PARP10: variants seen among roughly 807,000 people sequenced by gnomAD.
PARP10 encodes poly(ADP-ribose) polymerase family member 10.
In PARP10, 56 loss-of-function variants were observed where a neutral mutation model predicts 82.4. The observed-to-expected ratio is 0.68, with a 90% CI of 0.55 to 0.85. The LOEUF (loss-of-function observed/expected upper bound fraction) is 0.85, where lower values mean the gene tolerates loss of function less well. Ranked by LOEUF, PARP10 falls within the 40% of genes least tolerant of loss-of-function variation. PARP10 has a pLI of 0.00. For synonymous variants in PARP10, 576 were observed against 601.1 expected, an observed-to-expected ratio of 0.96 and a Z score of 0.61; for missense variants, 1,227 against 1,379.4, an observed-to-expected ratio of 0.89 and a Z score of 1.75.
chr8:143,985,603 C>T lies in PARP10; in HGVS notation c.482G>A (p.Gly161Glu), dbSNP rs1250900935. 1 of 1,613,966 alleles carries T rather than the reference C, an allele frequency of 6.2e-7. No homozygotes were observed. Among genetic ancestry groups the T allele is most frequent in the Non-Finnish European group, 8.5e-7 (1 of 1,180,012 alleles). The part of the protein sequence containing the change: ...EEQAQNLGLE[G>E]TLVSLARVPQ... ...AACCCGGGCCAGGGACACCAAGGTC[C>T]CCTCCAGGCCCAGATTCTGGGCCTG... Residue 161 changes from glycine (G) to glutamate (E), a missense_variant, in exon 4 of 11, where the codon GGG becomes GAG. By Grantham distance (98) the Gly-to-Glu change is moderately conservative. Coordinates refer to ENST00000313028, the MANE Select transcript of PARP10 (RefSeq NM_032789.5).
chr8:143,977,853 G>A (rs781949313), intron 10 of PARP10, 23 bp from the exon 11 acceptor site: 10 of 1,598,892 alleles, frequency 6.3e-6, no homozygotes, highest in Non-Finnish European at 8.5e-6. Context: ...ACGGGGCAAG[G>A]TCAGGGTGGT....
upstream of PARP10, among the ~76,000 whole-genome samples, chr8:143,993,956 C>G (rs937546810): frequency 6.6e-6 from 1 of 152,226 alleles, no homozygotes; most frequent in African/African-American, 2.4e-5. Flanking sequence ...AGGCCCGGTC[C>G]TTTGGAGCCC....
chr8:143,984,135 C>T, intron 6 of PARP10, 31 bp from the exon 7 acceptor site: 2 of 1,566,080 alleles, frequency 1.3e-6, no homozygotes, highest in Middle Eastern at 1.7e-4. Flanking sequence ...GACCACTAGC[C>T]TCTGGGCAAG....
chr8:143,985,680 TC>T, intron 3 of PARP10, 32 bp from the exon 4 acceptor site: 2 of 1,602,850 alleles, frequency 1.2e-6, no homozygotes, highest in Non-Finnish European at 1.7e-6. Context: ...GCTCAGGGAA[TC>T]CCCCCTAGCC....
At chr8:143,992,956 G>A (rs1016593855), upstream of PARP10, 1 of 859,148 alleles carries the variant, frequency 1.2e-6, no homozygotes. Flanking sequence ...ACAGCCTAGG[G>A]AAAAGGATGC....
At chr8:143,979,295 A>G (rs1209484889) in intron 9 of PARP10, among the ~76,000 whole-genome samples, 5 of 152,124 alleles carry the variant, frequency 3.3e-5, no homozygotes, top group South Asian at 2.1e-4. Flanking sequence ...TTACACACAC[A>G]CACAACAAGG....
At chr8:144,005,852 C>T (rs1465073036) in intron 1 of PARP10, among the ~76,000 whole-genome samples, 9 of 152,010 alleles carry the variant, frequency 5.9e-5, no homozygotes, top group African/African-American at 2.2e-4. Context: ...CAGACAGCCC[C>T]CTCCGCTCTT....
At chr8:143,989,475 C>CACGAAGGACAAAATGCCTGAG (rs1834052304), upstream of PARP10, 1 of 152,210 alleles carries the variant, frequency 6.6e-6, no homozygotes, top group East Asian at 1.9e-4. The surrounding 1 kb of genome is among the most constrained non-coding windows in gnomAD (Gnocchi z 4.3). Context: ...TTGTTTGTAA[C>CACGAAGGACAAAATGCCTGAG]ACGAAGGACA....
chr8:144,005,124 A>T (rs1834225994), intron 1 of PARP10, among the ~76,000 whole-genome samples: 1 of 151,360 alleles, frequency 6.6e-6, no homozygotes, highest in Non-Finnish European at 1.5e-5. Context: ...GGTTGCAGCG[A>T]GCTGAGATTG....
intron 1 of PARP10, among the ~76,000 whole-genome samples, chr8:144,000,919 T>G (rs1378402325): frequency 3.4e-5 from 5 of 145,396 alleles, no homozygotes; most frequent in East Asian, 4.0e-4. Flanking sequence ...TTTTTTTTTT[T>G]TTTTTTTTTT....
At position 143,977,203 on chromosome 8, in the gene PARP10, C is replaced by T; in HGVS notation, c.*281G>A. 2.0e-6 allele frequency: 1 copy of T among 491,856 alleles called. No homozygotes were observed. The highest frequency in any genetic ancestry group is 3.5e-5 in the East Asian group (1 of 28,570). The allele number at this position is 491,856 out of a possible 1,614,324, so 30.5% of individuals were successfully genotyped here. ...GGGTTCACGTTCACGTTTATTCAAA[C>T]AACAGAGCCGACTCGGGCGAGGTCT... On this transcript the variant is annotated 3_prime_UTR_variant, in exon 11 of 11. Transcript: ENST00000313028.
At chr8:143,996,670 C>T (rs1834167033) in intron 1 of PARP10, among the ~76,000 whole-genome samples, 1 of 152,216 alleles carries the variant, frequency 6.6e-6, no homozygotes, top group African/African-American at 2.4e-5. Context: ...GCTCACTGCC[C>T]TCACCAGGCC....
rs1180587341 is a variant in PARP10, at chr8:144,011,910, C to G, written c.-80+620G>C. 6.6e-6 allele frequency among the ~76,000 whole-genome samples: 1 copy of G among 152,174 alleles called. No individual in the cohort carries two copies. The highest frequency in any genetic ancestry group is 1.5e-5 in the Non-Finnish European group (1 of 68,038). ...GAGTGTCCAGGCCTTCAAGACACAG[C>G]AACCAGGAGAAGGCTGAGAGGCCAA... On this transcript the variant is annotated intron_variant, in intron 1 of 3. Coordinates refer to the PARP10 transcript ENST00000530478. The surrounding 1 kb of genome is among the most constrained non-coding windows in gnomAD (Gnocchi z 4.5).
rs1229373178 is a variant in PARP10 at position 143,984,535 on chromosome 8, GT to G, written c.1458+8del. ...GGCTGAAGGTGAGGAGTCCTGAGGGGTCACTCACCCGAAAGCCAGTCATATC... is the reference window on the plus strand; with the variant it reads ...GGCTGAAGGTGAGGAGTCCTGAGGGGCACTCACCCGAAAGCCAGTCATATC... On this transcript the variant is annotated splice_region_variant and intron_variant, in intron 5 of 10. Transcript: ENST00000313028. The G allele has an allele frequency of 2.5e-6, 4 of 1,604,128 alleles. No individual in the cohort carries two copies. In the Admixed American group the frequency reaches 6.7e-5, roughly 27 times the overall value.
In PARP10 at chr8:143,984,401, C is replaced by A. The variant is rs572160322; in HGVS notation, c.1489G>T (p.Ala497Ser). The A allele has an allele frequency of 6.2e-7, 1 of 1,611,350 alleles. No individual in the cohort carries two copies. The highest frequency in any genetic ancestry group is 1.7e-5 in the Admixed American group (1 of 59,974). Reference sequence around the variant, plus strand: ...AGCAGGCTCCGCAGAAACTCCTCAGCCGCCTGGCAGGAAGCCTGGGCTCCA... The same window carrying A: ...AGCAGGCTCCGCAGAAACTCCTCAGACGCCTGGCAGGAAGCCTGGGCTCCA... ...LCGAQASCQA[A>S]EEFLRSLLGS... Residue 497 changes from alanine to serine, a missense_variant, in exon 6 of 11, where the codon GCT becomes TCT. Transcript: ENST00000313028.
chr8:143,981,251 G>A (rs1424112013), intron 9 of PARP10, among the ~76,000 whole-genome samples: 3 of 152,142 alleles, frequency 2.0e-5, no homozygotes, highest in East Asian at 3.9e-4. Context: ...TGAAGCTGAC[G>A]GTGACAGTGG....
In PARP10 at chr8:143,977,997, C is replaced by G; in HGVS notation, c.2641G>C (p.Val881Leu). Residue 881 changes from valine (V) to leucine (L), a missense_variant, in exon 10 of 11, where the codon GTG becomes CTG. Transcript: ENST00000313028. ...GTGCCGTGGTACAGCACCTGCTCCA[C>G]CGGGCGCCGCTCGCATCGCTGCAGC... ...RLLQRCERRP[V>L]EQVLYHGTTA... 1 of 1,591,978 alleles carries G rather than the reference C, an allele frequency of 6.3e-7. No homozygotes were observed. The highest frequency in any genetic ancestry group is 8.5e-7 in the Non-Finnish European group (1 of 1,175,376).
upstream of PARP10, chr8:143,992,474 G>T (rs782544244): frequency 6.2e-7 from 1 of 1,613,998 alleles, no homozygotes; most frequent in Non-Finnish European, 8.5e-7. Flanking sequence ...GACCCGCTAC[G>T]ACTTCACCTC....
At position 143,984,351 on chromosome 8, in the gene PARP10, C is replaced by T. The variant is rs1554748614; in HGVS notation, c.1539G>A (p.Leu513=). Residue 513 remains leucine (L), a synonymous_variant, in exon 6 of 11, where the codon TTG becomes TTA. Transcript: ENST00000313028. ...TGGCGCTGCCCGGGTGCTCCAGGCA[C>T]AACACATGGCAGCTAATGCTGCCCA... ...SLLGSISCHV[L]CLEHPGSARF... is the part of the protein sequence containing the mutation. 6.2e-6 allele frequency: 10 copies of T among 1,613,548 alleles called. No homozygotes were observed. Among genetic ancestry groups the T allele is most frequent in the Non-Finnish European group, 8.5e-6 (10 of 1,179,962 alleles).
Sources: gnomAD v4.1 joint callset for allele counts (sites outside exome capture counted in the v4.1 genomes callset) on GRCh38, gnomAD v4.1.1 for gene constraint, Gnocchi (gnomAD v3.1) non-coding constraint, MANE v1.5 for transcripts, NCBI Gene and HGNC (gene_info 2026-07-23, HGNC 2026-07-21) for gene names.